Variants in OGDH observed in about 807,000 individuals in gnomAD.
The protein encoded by OGDH is 2-oxoglutarate dehydrogenase complex component E1.
In OGDH, 38 loss-of-function variants were observed where a neutral mutation model predicts 116.6. The observed-to-expected ratio is 0.33, with a 90% CI of 0.25 to 0.43. The LOEUF (loss-of-function observed/expected upper bound fraction) is 0.43, where lower values mean the gene tolerates loss of function less well. Ranked by LOEUF, OGDH falls within the 20% of genes least tolerant of loss-of-function variation. The probability of loss-of-function intolerance (pLI) is 1.00; values close to 1 mark genes in which losing one functional copy is unlikely to be tolerated. For synonymous variants in OGDH, 488 were observed against 533.3 expected, an observed-to-expected ratio of 0.92 and a Z score of 1.17; for missense variants, 825 against 1,357.2, an observed-to-expected ratio of 0.61 and a Z score of 6.16.
At chr7:44,647,799 C>G in intron 4 of OGDH, 40 bp downstream of exon 4, 3 of 1,514,968 alleles carry the variant, frequency 2.0e-6, no homozygotes, top group Non-Finnish European at 2.8e-6. Flanking sequence ...GCTTGAGCTC[C>G]TCTCGCTGTG....
chr7:44,639,763 C>G (rs908046470), intron 2 of OGDH, among the ~76,000 whole-genome samples: 10 of 152,150 alleles, frequency 6.6e-5, no homozygotes, highest in African/African-American at 2.2e-4. Flanking sequence ...GGTGCTCCCC[C>G]AGTGGTGTGG....
intron 4 of OGDH, among the ~76,000 whole-genome samples, chr7:44,650,127 G>A (rs1173096400): frequency 1.3e-5 from 2 of 152,164 alleles, no homozygotes; most frequent in Non-Finnish European, 2.9e-5. Flanking sequence ...ATTTGAAATA[G>A]TGTGACCTAA....
At chr7:44,632,726 C>G (rs1449446158) in intron 2 of OGDH, among the ~76,000 whole-genome samples, 1 of 152,086 alleles carries the variant, frequency 6.6e-6, no homozygotes, top group African/African-American at 2.4e-5. Context: ...TCAAGTGATT[C>G]ACCTGCCTCA....
At position 44,696,030 on chromosome 7, in the gene OGDH, A is replaced by G. The variant is rs753493378; in HGVS notation, c.1674A>G (p.Glu558=). 5 of 1,601,818 alleles carry G rather than the reference A, an allele frequency of 3.1e-6. No individual in the cohort carries two copies. In the East Asian group the frequency reaches 1.1e-4, roughly 36 times the overall value. ...GVVNQPEYEE[E]ISKYDKICEE... is the part of the protein sequence containing the mutation. ...TGTTGTGCCCAACCCTCCAGGAGGA[A>G]ATTTCCAAGTATGATAAGATCTGTG... The change falls in exon 13 of 23, where the codon GAA becomes GAG. Residue 558 remains glutamate, a synonymous_variant. Transcript: ENST00000222673.
chr7:44,692,738 TA>T (rs1273000253), intron 10 of OGDH, among the ~76,000 whole-genome samples: 2 of 152,162 alleles, frequency 1.3e-5, no homozygotes, highest in Non-Finnish European at 2.9e-5. Context: ...ATGAAGCCTT[TA>T]AATTTTCTTT....
intron 1 of OGDH, among the ~76,000 whole-genome samples, chr7:44,621,864 C>T (rs377647800): frequency 7.3e-6 from 1 of 137,012 alleles, no homozygotes; most frequent in Non-Finnish European, 1.7e-5. Flanking sequence ...GAGCAAGACT[C>T]CGTATCAAAA....
chr7:44,692,080 T>TA (rs1225916872), intron 10 of OGDH, among the ~76,000 whole-genome samples: 4 of 148,902 alleles, frequency 2.7e-5, no homozygotes, highest in African/African-American at 1.0e-4. Context: ...CTAGTAGGAG[T>TA]GTAAGTAGAA....
At chr7:44,656,849 A>T (rs1476318891) in intron 4 of OGDH, among the ~76,000 whole-genome samples, 1 of 152,198 alleles carries the variant, frequency 6.6e-6, no homozygotes, top group African/African-American at 2.4e-5. Context: ...TATTAATAAA[A>T]ACTTACTGAG....
At chr7:44,681,960 T>C (rs1170501634) in intron 10 of OGDH, 112 bp downstream of exon 10, 13 of 1,421,806 alleles carry the variant, frequency 9.1e-6, no homozygotes, top group East Asian at 4.6e-5. Flanking sequence ...ACATCTGTTA[T>C]TAAAAACCAG....
At chr7:44,700,119 G>A (rs545645746) in intron 18 of OGDH, 22 bp from the exon 19 acceptor site, 2 of 1,613,576 alleles carry the variant, frequency 1.2e-6, no homozygotes, top group African/African-American at 2.7e-5. Context: ...CTGGCCTCTG[G>A]CCATTTCCTT....
intron 18 of OGDH, 78 bp downstream of exon 18, chr7:44,698,341 G>A (rs1788679249): frequency 2.7e-6 from 4 of 1,457,532 alleles, no homozygotes; most frequent in Admixed American, 1.7e-5. Context: ...AATCTATCTG[G>A]TCATCCTGAA....
chr7:44,686,593 A>G (rs1425827635), intron 10 of OGDH, among the ~76,000 whole-genome samples: 1 of 151,918 alleles, frequency 6.6e-6, no homozygotes, highest in African/African-American at 2.4e-5. Context: ...TGTATAATTA[A>G]TATTATTCCC....
intron 10 of OGDH, among the ~76,000 whole-genome samples, chr7:44,690,905 C>G (rs966811602): frequency 6.6e-6 from 1 of 152,052 alleles, no homozygotes; most frequent in African/African-American, 2.4e-5. Context: ...GTTCAGGGCT[C>G]TCTTATGTGT....
intron 4 of OGDH, among the ~76,000 whole-genome samples, chr7:44,655,720 A>T (rs764176800): frequency 6.6e-6 from 1 of 152,234 alleles, no homozygotes; most frequent in Non-Finnish European, 1.5e-5. Context: ...AAAAGTTTAC[A>T]GGTAGAAGGA....
Position 44,694,408 on chromosome 7 carries a change from TCA to T in OGDH, c.1516-14_1516-13del. ...GCCAGCCCTTGTCTCTGACATCCTCTCACTGCTCTGAGCAGGTGTGTTACCGG... is the reference window on the plus strand; with the variant it reads ...GCCAGCCCTTGTCTCTGACATCCTCTCTGCTCTGAGCAGGTGTGTTACCGG... On this transcript the variant is annotated splice_polypyrimidine_tract_variant and intron_variant, in intron 11 of 22. Coordinates refer to ENST00000222673, the MANE Select transcript of OGDH (RefSeq NM_002541.4). This position sits in a 1 kb window ranked among gnomAD's most constrained non-coding sequence, Gnocchi z 4.2. 1 of 1,613,356 alleles carries T rather than the reference TCA, an allele frequency of 6.2e-7. No homozygotes were observed. The highest frequency in any genetic ancestry group is 8.5e-7 in the Non-Finnish European group (1 of 1,179,828).
At chr7:44,648,838 T>C (rs1786307581) in intron 4 of OGDH, among the ~76,000 whole-genome samples, 1 of 152,172 alleles carries the variant, frequency 6.6e-6, no homozygotes, top group South Asian at 2.1e-4. Flanking sequence ...TCTTGAATTT[T>C]ATTGATTAAG....
chr7:44,675,184 G>A lies in OGDH; in HGVS notation c.942G>A (p.Arg314=). The A allele has an allele frequency of 6.2e-7, 1 of 1,613,954 alleles. No individual in the cohort carries two copies. The highest frequency in any genetic ancestry group is 8.5e-7 in the Non-Finnish European group (1 of 1,179,888). ...YVIMGMPHRG[R]LNVLANVIRK... ...ACTCGCCCATACGTTCCAGAGGGCG[G>A]CTGAACGTGCTTGCAAATGTCATCA... is the stretch of plus-strand genomic sequence containing the variant. Residue 314 remains arginine, a synonymous_variant, in exon 8 of 23, where the codon CGG becomes CGA. Coordinates refer to ENST00000222673, the MANE Select transcript of OGDH (RefSeq NM_002541.4).
At chr7:44,616,839 A>G (rs184825389) in intron 1 of OGDH, among the ~76,000 whole-genome samples, 1,647 of 130,540 alleles carry the variant, frequency 0.013, 46 homozygotes, top group African/African-American at 0.042. Context: ...ATATATACAC[A>G]TATACGTGTA....
intron 5 of OGDH, among the ~76,000 whole-genome samples, chr7:44,668,255 C>T (rs2268316): frequency 0.18 from 26,840 of 151,908 alleles, 5,594 homozygotes; most frequent in African/African-American, 0.49. Flanking sequence ...TGGCCAAGAT[C>T]GTGAAACGCC....
Sources: gnomAD v4.1 joint callset for allele counts (sites outside exome capture counted in the v4.1 genomes callset) on GRCh38, gnomAD v4.1.1 for gene constraint, Gnocchi (gnomAD v3.1) non-coding constraint, MANE v1.5 for transcripts, NCBI Gene and HGNC (gene_info 2026-07-23, HGNC 2026-07-21) for gene names.